PRR9: variants seen among roughly 807,000 people sequenced by gnomAD.
The protein encoded by PRR9 is proline rich 9, also known as proline-rich protein 9.
PRR9 carries 3 observed loss-of-function variants against 2.6 expected under a neutral mutation model. The ratio of observed to expected loss-of-function variants is 1.15; its 90% CI spans 0.53 to 2.98. The LOEUF is 2.98. Among genes scored for constraint, PRR9 ranks in the 30% most tolerant of loss-of-function variants. The probability of loss-of-function intolerance (pLI) is 0.03; values close to 1 mark genes in which losing one functional copy is unlikely to be tolerated. For synonymous variants in PRR9, 48 were observed against 50.4 expected (o/e 0.95, Z 0.20); for missense variants, 141 against 132.0 (o/e 1.07, Z -0.33).
Position 153,219,085 on chromosome 1 carries a change from G to A in PRR9, c.*590G>A, listed in dbSNP as rs756315267. 6.0e-6 allele frequency: 1 copy of A among 168,000 alleles called. No individual in the cohort carries two copies. Among genetic ancestry groups the A allele is most frequent in the African/African-American group, 2.4e-5 (1 of 41,426 alleles). 10.4% of individuals were successfully genotyped at this position (168,000 alleles called of 1,614,324 possible). A position where few individuals can be genotyped will look rare whatever the true frequency, so the allele number is the denominator to read the frequency against. On this transcript the variant is annotated 3_prime_UTR_variant, in exon 2 of 2. Transcript: ENST00000368744. ...TAAAATGAACCGAAAGTATGTAAAC[G>A]ATTGAATCCAAACAACCAGAAGGGA...
In PRR9 at chr1:153,218,105, G is replaced by C; in HGVS notation, c.-20-20G>C. On this transcript the variant is annotated intron_variant, in intron 1 of 1. Transcript: ENST00000368744. The stretch of plus-strand genomic sequence containing the variant: ...TGATATTTTTAATACAGATAATTTC[G>C]AATCTTGTGTTTTTTTCAGGCTCTG... 2 of 1,437,606 alleles carry C rather than the reference G, an allele frequency of 1.4e-6. No homozygotes were observed. The highest frequency in any genetic ancestry group is 1.4e-5 in the South Asian group (1 of 72,004). 89.1% of individuals were successfully genotyped at this position (1,437,606 alleles called of 1,614,324 possible). A position where few individuals can be genotyped will look rare whatever the true frequency, so the allele number is the denominator to read the frequency against.
At chr1:153,218,077 T>G in intron 1 of PRR9, 48 bp from the exon 2 acceptor site, 1 of 1,245,974 alleles carries the variant, frequency 8.0e-7, no homozygotes, top group Non-Finnish European at 1.1e-6. Context: ...CCAGTTCCCA[T>G]GCTGATATTT....
At chr1:153,218,057 C>A (rs1657960485) in intron 1 of PRR9, 68 bp from the exon 2 acceptor site, 2 of 1,042,718 alleles carry the variant, frequency 1.9e-6, no homozygotes, top group Non-Finnish European at 2.8e-6. Context: ...CTTTCTCAAC[C>A]CTTCATTCCC....
Position 153,218,368 on chromosome 1 carries a change from C to T in PRR9, c.224C>T (p.Pro75Leu). Residue 75 changes from proline (P) to leucine (L), a missense_variant, in exon 2 of 2, where the codon CCT becomes CTT. By Grantham distance (98) the Pro-to-Leu change is moderately conservative. Coordinates refer to ENST00000368744, the MANE Select transcript of PRR9 (RefSeq NM_001195571.2). ...CAGCAAGGCCAAGAGCCATACCTACCTCCATGCCAAGACCAGTGTCCACCT... is the reference window on the plus strand; with the variant it reads ...CAGCAAGGCCAAGAGCCATACCTACTTCCATGCCAAGACCAGTGTCCACCT... ...CPQQGQEPYL[P>L]PCQDQCPPQC... is the part of the protein sequence containing the mutation. 1 of 1,550,670 alleles carries T rather than the reference C, an allele frequency of 6.4e-7. No homozygotes were observed. Among genetic ancestry groups the T allele is most frequent in the African/African-American group, 1.4e-5 (1 of 73,176 alleles).
chr1:153,218,780 C>T lies in PRR9; in HGVS notation c.*285C>T, dbSNP rs1657978752. 1 of 330,692 alleles carries T rather than the reference C, an allele frequency of 3.0e-6. No homozygotes were observed. Among genetic ancestry groups the T allele is most frequent in the Non-Finnish European group, 5.8e-6 (1 of 171,922 alleles). 20.5% of individuals were successfully genotyped at this position (330,692 alleles called of 1,614,324 possible). A position where few individuals can be genotyped will look rare whatever the true frequency, so the allele number is the denominator to read the frequency against. On this transcript the variant is annotated 3_prime_UTR_variant, in exon 2 of 2. Transcript: ENST00000368744. Reference sequence around the variant, plus strand: ...AGACCACAGAAGCCTAGCACAGCTTCCTTGGTGCAAAAATTCACCCAGCTC... The same window carrying T: ...AGACCACAGAAGCCTAGCACAGCTTTCTTGGTGCAAAAATTCACCCAGCTC...
In PRR9 at chr1:153,218,184, C is replaced by A. The variant is rs1311277442; in HGVS notation, c.40C>A (p.Pro14Thr). ...SEQQCKQPCV[P>T]PPCLPKTQEQ... Reference sequence around the variant, plus strand: ...GCAGCAGTGCAAGCAGCCATGTGTGCCCCCTCCATGCCTCCCAAAGACCCA... The same window carrying A: ...GCAGCAGTGCAAGCAGCCATGTGTGACCCCTCCATGCCTCCCAAAGACCCA... Residue 14 changes from proline to threonine, a missense_variant, in exon 2 of 2, where the codon CCC (proline) becomes ACC (threonine). Coordinates refer to ENST00000368744, the MANE Select transcript of PRR9 (RefSeq NM_001195571.2). 3.2e-6 allele frequency: 5 copies of A among 1,550,272 alleles called. No individual in the cohort carries two copies. The highest frequency in any genetic ancestry group is 4.4e-6 in the Non-Finnish European group (5 of 1,146,826).
rs1385672069 is a variant in PRR9 at position 153,218,177 on chromosome 1, A to C, written c.33A>C (p.Pro11=). MSFSEQQCKQ[P]CVPPPCLPKT... ...TCAGTGAGCAGCAGTGCAAGCAGCCATGTGTGCCCCCTCCATGCCTCCCAA... is the reference window on the plus strand; with the variant it reads ...TCAGTGAGCAGCAGTGCAAGCAGCCCTGTGTGCCCCCTCCATGCCTCCCAA... Residue 11 remains proline (P), a synonymous_variant, in exon 2 of 2, where the codon CCA becomes CCC. Coordinates refer to ENST00000368744, the MANE Select transcript of PRR9 (RefSeq NM_001195571.2). 4.5e-6 allele frequency: 7 copies of C among 1,550,178 alleles called. No individual in the cohort carries two copies. Among genetic ancestry groups the C allele is most frequent in the East Asian group, 2.4e-5 (1 of 40,906 alleles).
chr1:153,217,995 A>T, intron 1 of PRR9, 130 bp from the exon 2 acceptor site: 2 of 660,060 alleles, frequency 3.0e-6, no homozygotes, highest in Non-Finnish European at 5.1e-6. Flanking sequence ...ATTAGTTCTT[A>T]CTTCCACTCC....
intron 1 of PRR9, 32 bp from the exon 2 acceptor site, chr1:153,218,092 TA>T: frequency 7.3e-7 from 1 of 1,366,800 alleles, no homozygotes; most frequent in African/African-American, 1.5e-5. Context: ...ATATTTTTAA[TA>T]CAGATAATTT....
intron 1 of PRR9, 52 bp from the exon 2 acceptor site, chr1:153,218,073 C>A: frequency 8.3e-7 from 1 of 1,204,508 alleles, no homozygotes; most frequent in South Asian, 1.6e-5. Context: ...TTCCCCAGTT[C>A]CCATGCTGAT....
At position 153,218,266 on chromosome 1, in the gene PRR9, G is replaced by C. The variant is rs943363048; in HGVS notation, c.122G>C (p.Cys41Ser). ...TGCCTCCCCACATGCCAGCACCCCT[G>C]CCAAGATAAGTGTCTAGTGCAGGCC... ...EVCLPTCQHPCQDKCLVQAQE... is the reference protein window; with the variant it reads ...EVCLPTCQHPSQDKCLVQAQE... Residue 41 changes from cysteine (C) to serine (S), a missense_variant, in exon 2 of 2, where the codon TGC becomes TCC. Cys to Ser is a moderately radical substitution (Grantham distance 112). Coordinates refer to ENST00000368744, the MANE Select transcript of PRR9 (RefSeq NM_001195571.2). The C allele has an allele frequency of 3.2e-6, 5 of 1,550,448 alleles. No individual in the cohort carries two copies. The African/African-American group carries it at 6.8e-5, about 21-fold the overall frequency.
In PRR9 at chr1:153,218,366, A is replaced by C; in HGVS notation, c.222A>C (p.Leu74=). 6.4e-7 allele frequency: 1 copy of C among 1,550,554 alleles called. No individual in the cohort carries two copies. The highest frequency in any genetic ancestry group is 8.7e-7 in the Non-Finnish European group (1 of 1,147,002). ...CACAGCAAGGCCAAGAGCCATACCT[A>C]CCTCCATGCCAAGACCAGTGTCCAC... The part of the protein sequence containing the change: ...KCPQQGQEPY[L]PPCQDQCPPQ... The change falls in exon 2 of 2, where the codon CTA becomes CTC. Residue 74 remains leucine, a synonymous_variant. Transcript: ENST00000368744.
rs781256385 is a variant in PRR9, at chr1:153,218,286, C to T, written c.142C>T (p.Gln48Ter). ...CCCCTGCCAAGATAAGTGTCTAGTG[C>T]AGGCCCAGGAGGTATGTCTTTCTCA... ...QHPCQDKCLV[Q>*]AQEVCLSQCQ... is the part of the protein sequence containing the mutation. Residue 48 changes from glutamine (Q) to a stop codon, truncating the protein, a stop_gained, in exon 2 of 2, where the codon CAG becomes TAG. Transcript: ENST00000368744. LOFTEE classifies it high-confidence loss of function. 1 of 1,550,598 alleles carries T rather than the reference C, an allele frequency of 6.4e-7. No individual in the cohort carries two copies. Among genetic ancestry groups the T allele is most frequent in the East Asian group, 2.4e-5 (1 of 40,912 alleles).
chr1:153,217,991 TCTTA>T (rs1657959392), intron 1 of PRR9, 130 bp from the exon 2 acceptor site: 1 of 652,518 alleles, frequency 1.5e-6, no homozygotes, highest in Admixed American at 3.0e-5. Context: ...AGAAATTAGT[TCTTA>T]CTTCCACTCC....
chr1:153,218,788 CA>C lies in PRR9; in HGVS notation c.*298del. The C allele has an allele frequency of 3.2e-6, 1 of 313,508 alleles. No individual in the cohort carries two copies. Among genetic ancestry groups the C allele is most frequent in the Non-Finnish European group, 6.2e-6 (1 of 161,254 alleles). The allele number at this position is 313,508 out of a possible 1,614,324, so 19.4% of individuals were successfully genotyped here. The stretch of plus-strand genomic sequence containing the variant: ...GAAGCCTAGCACAGCTTCCTTGGTG[CA>C]AAAATTCACCCAGCTCTGGGTGTGT... On this transcript the variant is annotated 3_prime_UTR_variant, in exon 2 of 2. Transcript: ENST00000368744.
At position 153,218,218 on chromosome 1, in the gene PRR9, G is replaced by A. The variant is rs1482676367; in HGVS notation, c.74G>A (p.Cys25Tyr). 6.4e-7 allele frequency: 1 copy of A among 1,550,728 alleles called. No individual in the cohort carries two copies. Among genetic ancestry groups the A allele is most frequent in the Admixed American group, 2.0e-5 (1 of 50,998 alleles). Reference protein sequence around the residue: ...PPCLPKTQEQCQAKAEEVCLP... With the variant: ...PPCLPKTQEQYQAKAEEVCLP... ...TGCCTCCCAAAGACCCAGGAGCAGT[G>A]CCAAGCAAAGGCTGAGGAGGTGTGC... The change falls in exon 2 of 2, where the codon TGC (cysteine) becomes TAC (tyrosine). Residue 25 changes from cysteine to tyrosine, a missense_variant. Physicochemically the swap from Cys to Tyr is radical, Grantham distance 194. Transcript: ENST00000368744.
Position 153,218,475 on chromosome 1 carries a change from T to G in PRR9, c.331T>G (p.Ser111Ala), listed in dbSNP as rs1327566879. The change falls in exon 2 of 2, where the codon TCC becomes GCC. Residue 111 changes from serine to alanine, a missense_variant. Physicochemically the swap from Ser to Ala is moderately conservative, Grantham distance 99 (BLOSUM62 1). Coordinates refer to ENST00000368744, the MANE Select transcript of PRR9 (RefSeq NM_001195571.2). ...CPQKVQEKCS[S>A]PGKGK Reference sequence around the variant, plus strand: ...ACAGAAAGTCCAGGAGAAGTGCTCATCCCCTGGCAAGGGAAAGTAGCTGCT... The same window carrying G: ...ACAGAAAGTCCAGGAGAAGTGCTCAGCCCCTGGCAAGGGAAAGTAGCTGCT... 7 of 1,549,922 alleles carry G rather than the reference T, an allele frequency of 4.5e-6. No homozygotes were observed. The African/African-American group carries it at 5.5e-5, about 12-fold the overall frequency.
rs1364031546 is a variant in PRR9 at position 153,218,488 on chromosome 1, G to A, written c.344G>A (p.Gly115Glu). 6.5e-7 allele frequency: 1 copy of A among 1,548,938 alleles called. No individual in the cohort carries two copies. The highest frequency in any genetic ancestry group is 8.7e-7 in the Non-Finnish European group (1 of 1,145,852). ...GAGAAGTGCTCATCCCCTGGCAAGG[G>A]AAAGTAGCTGCTCATATGTCATCTG... ...VQEKCSSPGK[G>E]K The change falls in exon 2 of 2, where the codon GGA (glycine) becomes GAA (glutamate). Residue 115 changes from glycine (G) to glutamate (E), a missense_variant. Transcript: ENST00000368744.
At chr1:153,217,960 G>GA (rs1319324351) in intron 1 of PRR9, among the ~76,000 whole-genome samples, 165 bp from the exon 2 acceptor site, 1 of 152,180 alleles carries the variant, frequency 6.6e-6, no homozygotes, top group African/African-American at 2.4e-5. Context: ...ATAGAAAAGA[G>GA]AAAGAGATAA....
Sources: gnomAD v4.1 joint callset for allele counts (sites outside exome capture counted in the v4.1 genomes callset) on GRCh38, gnomAD v4.1.1 for gene constraint, MANE v1.5 for transcripts, NCBI Gene and HGNC (gene_info 2026-07-23, HGNC 2026-07-21) for gene names.